Variants in DOCK4 observed in about 807,000 individuals in gnomAD.
The protein encoded by DOCK4 is dedicator of cytokinesis protein 4.
Under a neutral mutation model 268.1 loss-of-function variants are expected in DOCK4, and 97 were observed. That is an observed-to-expected ratio of 0.36 (90% confidence interval 0.31 to 0.43). The LOEUF is 0.43. DOCK4 is among the 20% of genes least tolerant of loss of function. DOCK4 has a pLI of 1.00. For synonymous variants in DOCK4, 954 were observed against 887.2 expected (o/e 1.08, Z -1.34); for missense variants, 2,145 against 2,455.7 (o/e 0.87, Z 2.67).
Position 111,750,921 on chromosome 7 carries a change from C to T in DOCK4, c.4417-3478G>A, listed in dbSNP as rs372367162. ...CCAACCAAACAAAAACCCCTCCAGTCGCTTTTGTAGAATACAGCATTATCT... is the reference window on the plus strand; with the variant it reads ...CCAACCAAACAAAAACCCCTCCAGTTGCTTTTGTAGAATACAGCATTATCT... On this transcript the variant is annotated intron_variant, in intron 42 of 52. Coordinates refer to ENST00000428084, the MANE Select transcript of DOCK4 (RefSeq NM_001363540.2). Among the ~76,000 whole-genome samples the T allele has an allele frequency of 3.6e-4, 55 of 152,280 alleles. No individual in the cohort carries two copies. In the South Asian group the frequency reaches 0.011, roughly 30 times the overall value.
At chr7:112,205,725 G>A (rs576550360) in intron 1 of DOCK4, among the ~76,000 whole-genome samples, 1 of 151,868 alleles carries the variant, frequency 6.6e-6, no homozygotes, top group East Asian at 1.9e-4. Context: ...CTTTGGGGAA[G>A]AAGGGTAAGG....
intron 31 of DOCK4, 55 bp downstream of exon 31, chr7:111,790,401 GA>G: frequency 1.3e-6 from 2 of 1,580,290 alleles, no homozygotes; most frequent in Non-Finnish European, 1.7e-6. Context: ...GAAGTTCACA[GA>G]TGCTTCAGGA....
At chr7:111,895,102 T>C (rs1808633236) in intron 16 of DOCK4, among the ~76,000 whole-genome samples, 1 of 152,244 alleles carries the variant, frequency 6.6e-6, no homozygotes, top group South Asian at 2.1e-4. Context: ...AGCTTTCTTT[T>C]GTTGCCTACT....
At chr7:111,769,037 T>TA (rs1797947525) in intron 37 of DOCK4, among the ~76,000 whole-genome samples, 1 of 152,174 alleles carries the variant, frequency 6.6e-6, no homozygotes, top group Admixed American at 6.5e-5. Flanking sequence ...CATGTGAAGA[T>TA]ACAGCAAGAT....
chr7:111,826,917 G>A (rs535924519), intron 26 of DOCK4, among the ~76,000 whole-genome samples: 1 of 151,994 alleles, frequency 6.6e-6, no homozygotes, highest in East Asian at 1.9e-4. Flanking sequence ...AAAGAGAAAG[G>A]CAAAAGACAA....
Position 111,834,502 on chromosome 7 carries a change from G to C in DOCK4, c.2835+86C>G, listed in dbSNP as rs147130083. On this transcript the variant is annotated intron_variant, in intron 26 of 52. Transcript: ENST00000428084. ...CTTAATGGAAACAGGTAAAGCAATT[G>C]TCTAGGATTTATCTCAACAGTGATG... is the stretch of plus-strand genomic sequence containing the variant. The C allele has an allele frequency of 6.7e-6, 7 of 1,041,102 alleles. No individual in the cohort carries two copies. In the Admixed American group the frequency reaches 1.5e-4, roughly 23 times the overall value. The allele number at this position is 1,041,102 out of a possible 1,614,324, so 64.5% of individuals were successfully genotyped here.
intron 43 of DOCK4, among the ~76,000 whole-genome samples, 198 bp downstream of exon 43, chr7:111,747,069 A>C (rs753290105): frequency 7.2e-5 from 11 of 152,182 alleles, no homozygotes; most frequent in Non-Finnish European, 1.2e-4. Flanking sequence ...TATTATCCAA[A>C]TATAACATGT....
chr7:111,752,053 T>C (rs973464787), intron 42 of DOCK4, among the ~76,000 whole-genome samples: 1 of 152,370 alleles, frequency 6.6e-6, no homozygotes, highest in East Asian at 1.9e-4. Flanking sequence ...TTATTGTTAA[T>C]TTTTAATGTG....
chr7:111,870,323 C>CTTTT (rs796444724), intron 20 of DOCK4, among the ~76,000 whole-genome samples: 3 of 131,354 alleles, frequency 2.3e-5, no homozygotes, highest in African/African-American at 2.9e-5. Flanking sequence ...TTTTTCTTTT[C>CTTTT]TTTTTTTTTT....
rs545745191 is a variant in DOCK4, at chr7:112,076,296, T to TG, written c.38-72166dup. On this transcript the variant is annotated intron_variant, in intron 1 of 52. Transcript: ENST00000428084. ...GTTTGAGTTAACTAAGAAAAAGAAT[T>TG]GGGGGGGTTCTTAAAATATTTAAAA... 2.2e-3 allele frequency among the ~76,000 whole-genome samples: 335 copies of TG among 152,068 alleles called. 2 individuals carry two copies. Among genetic ancestry groups the TG allele is most frequent in the African/African-American group, 7.5e-3 (311 of 41,504 alleles).
At position 111,736,988 on chromosome 7, in the gene DOCK4, C is replaced by T. The variant is rs751183443; in HGVS notation, c.5234G>A (p.Arg1745Lys). The change falls in exon 50 of 53, where the codon AGG (arginine) becomes AAG (lysine). Residue 1745 changes from arginine to lysine, a missense_variant and splice_region_variant. Arg to Lys is a conservative substitution (Grantham distance 26). Around this residue, in one of 2 missense-constraint regions of DOCK4, gnomAD observed 547 missense variants for 469.0 expected, o/e 1.17. Coordinates refer to ENST00000428084, the MANE Select transcript of DOCK4 (RefSeq NM_001363540.2). ...IYPTPVEPSQ[R>K]MLFNHIGDGA... ...GTCTCCAATATGATTAAACAGCATC[C>T]TCTGCAAAGTTACAAGGGTTGATTT... The T allele has an allele frequency of 6.2e-7, 1 of 1,602,356 alleles. No individual in the cohort carries two copies. The highest frequency in any genetic ancestry group is 2.2e-5 in the East Asian group (1 of 44,590).
chr7:111,739,583 A>G, intron 47 of DOCK4, 106 bp from the exon 48 acceptor site: 1 of 910,018 alleles, frequency 1.1e-6, no homozygotes, highest in Non-Finnish European at 1.7e-6. Flanking sequence ...AGCAACAAAA[A>G]GTCCGTTTAA....
chr7:111,833,014 AT>A (rs1802961840), intron 26 of DOCK4, among the ~76,000 whole-genome samples: 1 of 152,182 alleles, frequency 6.6e-6, no homozygotes, highest in Admixed American at 6.5e-5. Flanking sequence ...CTTCTCTGCT[AT>A]TTTTTAATTC....
At chr7:111,868,620 G>T (rs1342999715) in intron 21 of DOCK4, among the ~76,000 whole-genome samples, 1 of 151,910 alleles carries the variant, frequency 6.6e-6, no homozygotes, top group Non-Finnish European at 1.5e-5. Flanking sequence ...TGAGGCAGGA[G>T]AATTGCTTGA....
intron 6 of DOCK4, among the ~76,000 whole-genome samples, chr7:111,986,905 C>G (rs1162876098): frequency 1.3e-5 from 2 of 152,110 alleles, no homozygotes; most frequent in African/African-American, 4.8e-5. Flanking sequence ...TTATGTTCAT[C>G]CAGAGATTTA....
chr7:111,970,529 C>A (rs1797625673), intron 8 of DOCK4, among the ~76,000 whole-genome samples: 2 of 152,224 alleles, frequency 1.3e-5, no homozygotes, highest in South Asian at 4.1e-4. Flanking sequence ...AAATGATTCC[C>A]TCCCTTTCCC....
At chr7:111,769,371 A>G (rs1585927937) in intron 37 of DOCK4, among the ~76,000 whole-genome samples, 158 bp downstream of exon 37, 1 of 152,114 alleles carries the variant, frequency 6.6e-6, no homozygotes, top group East Asian at 1.9e-4. Flanking sequence ...GGCACCTAGG[A>G]ATCTGCATTT....
chr7:112,041,797 C>G lies in DOCK4; in HGVS notation c.38-37666G>C, dbSNP rs528386305. Reference sequence around the variant, plus strand: ...CATTATTTCCATGACCCCATCCCCCCACAACCCTAAAATTCTGTGATTCTA... The same window carrying G: ...CATTATTTCCATGACCCCATCCCCCGACAACCCTAAAATTCTGTGATTCTA... On this transcript the variant is annotated intron_variant, in intron 1 of 52. Coordinates refer to ENST00000428084, the MANE Select transcript of DOCK4 (RefSeq NM_001363540.2). Among the ~76,000 whole-genome samples the G allele has an allele frequency of 2.0e-5, 3 of 152,306 alleles. No homozygotes were observed. In the East Asian group the frequency reaches 5.8e-4, roughly 29 times the overall value.
intron 8 of DOCK4, among the ~76,000 whole-genome samples, chr7:111,975,088 G>A (rs916089288): frequency 2.0e-5 from 3 of 152,118 alleles, no homozygotes; most frequent in African/African-American, 7.2e-5. Context: ...CCAACATGGC[G>A]AAACCCCGTC....
Sources: gnomAD v4.1 joint callset for allele counts (sites outside exome capture counted in the v4.1 genomes callset) on GRCh38, gnomAD v4.1.1 for gene constraint, gnomAD v4.1.1 regional missense constraint, MANE v1.5 for transcripts, NCBI Gene and HGNC (gene_info 2026-07-23, HGNC 2026-07-21) for gene names.